The following PTCHD4 variants were observed in gnomAD, a reference collection of about 807,000 sequenced individuals.
PTCHD4 encodes patched domain containing 4.
PTCHD4 carries 33 observed loss-of-function variants against 58.1 expected under a neutral mutation model. That is an observed-to-expected ratio of 0.57 (90% CI 0.43 to 0.76). PTCHD4 has a LOEUF of 0.76. PTCHD4 is among the 30% of genes least tolerant of loss of function. The probability of loss-of-function intolerance (pLI) is 0.00; values close to 1 mark genes in which losing one functional copy is unlikely to be tolerated. For synonymous variants in PTCHD4, 478 were observed against 409.6 expected, an observed-to-expected ratio of 1.17 and a Z score of -2.02; for missense variants, 1,058 against 1,027.1, an observed-to-expected ratio of 1.03 and a Z score of -0.41.
Position 48,071,152 on chromosome 6 carries a change from C to T in PTCHD4, c.-969-1226G>A, listed in dbSNP as rs148039361. 2.8e-3 allele frequency among the ~76,000 whole-genome samples: 419 copies of T among 152,288 alleles called. 2 individuals are homozygous for T. Among genetic ancestry groups the T allele is most frequent in the African/African-American group, 8.4e-3 (351 of 41,562 alleles). On this transcript the variant is annotated intron_variant, in intron 1 of 4. Transcript: ENST00000339488. ...CATTTCCTTCGGTAGCATCAGGCAG[C>T]GTACTCTCTTCTCACAACAAACAAA...
At chr6:48,097,315 A>T (rs528550444) in intron 1 of PTCHD4, among the ~76,000 whole-genome samples, 71 of 152,196 alleles carry the variant, frequency 4.7e-4, no homozygotes, top group Non-Finnish European at 8.2e-4. Context: ...TATGACAGAT[A>T]TAATGCTTAA....
At chr6:48,000,669 C>T (rs1284632310) in intron 4 of PTCHD4, among the ~76,000 whole-genome samples, 4 of 152,156 alleles carry the variant, frequency 2.6e-5, no homozygotes, top group African/African-American at 7.2e-5. Flanking sequence ...AGGATTTCCA[C>T]ATGCTCTCAT....
chr6:47,999,265 G>T (rs116939583), intron 4 of PTCHD4, among the ~76,000 whole-genome samples: 2 of 152,170 alleles, frequency 1.3e-5, no homozygotes, highest in African/African-American at 4.8e-5. Flanking sequence ...ACTCCAAGTC[G>T]TCTGACTCTA....
intron 3 of PTCHD4, among the ~76,000 whole-genome samples, chr6:48,034,234 A>G (rs867178976): frequency 1.3e-5 from 2 of 152,116 alleles, no homozygotes; most frequent in East Asian, 3.9e-4. Flanking sequence ...TTGTGTGACA[A>G]ATATAATAGT....
At position 47,882,294 on chromosome 6, in the gene PTCHD4, A is replaced by G. The variant is rs146174982; in HGVS notation, c.899-2358T>C. On this transcript the variant is annotated intron_variant, in intron 4 of 4. Transcript: ENST00000339488. Reference sequence around the variant, plus strand: ...TTATGGAACATTAGGTACACTATGTAGGCCAGATTTTTGCTTTATGTAGTA... The same window carrying G: ...TTATGGAACATTAGGTACACTATGTGGGCCAGATTTTTGCTTTATGTAGTA... 2.6e-3 allele frequency among the ~76,000 whole-genome samples: 403 copies of G among 152,192 alleles called. 1 individual carries two copies. Among genetic ancestry groups the G allele is most frequent in the African/African-American group, 8.8e-3 (365 of 41,560 alleles).
At chr6:48,018,577 C>T (rs1762946813) in intron 3 of PTCHD4, among the ~76,000 whole-genome samples, 1 of 152,032 alleles carries the variant, frequency 6.6e-6, no homozygotes, top group African/African-American at 2.4e-5. Context: ...AGGAATTTGC[C>T]CTAATTTACC....
intron 4 of PTCHD4, among the ~76,000 whole-genome samples, chr6:47,962,560 G>A (rs1034460198): frequency 3.9e-5 from 6 of 152,062 alleles, no homozygotes; most frequent in Admixed American, 1.3e-4. Context: ...TGAGAATCTC[G>A]TGAGGTTATA....
At chr6:47,891,358 G>A (rs1209658999) in intron 4 of PTCHD4, among the ~76,000 whole-genome samples, 5 of 151,670 alleles carry the variant, frequency 3.3e-5, no homozygotes, top group Non-Finnish European at 7.4e-5. Flanking sequence ...CTCGACCACA[G>A]ACAACCTCGC....
Position 48,008,651 on chromosome 6 carries a change from A to T in PTCHD4, c.881T>A (p.Ile294Asn), listed in dbSNP as rs1762552978. 2 of 1,613,044 alleles carry T rather than the reference A, an allele frequency of 1.2e-6. No homozygotes were observed. The highest frequency in any genetic ancestry group is 1.3e-5 in the African/African-American group (1 of 74,942). ...ATAGTTACCCATGGCGAAGAACGGG[A>T]TTCCCAGCAGGGTGGAGTTGTACTT... ...DGKYNSTLLG[I>N]PFFAMGHGTK... The change falls in exon 4 of 5, where the codon ATC (isoleucine) becomes AAC (asparagine). Residue 294 changes from isoleucine to asparagine, a missense_variant. By Grantham distance (149) the Ile-to-Asn change is moderately radical. Transcript: ENST00000339488.
At chr6:48,038,411 G>A (rs1423600978) in intron 3 of PTCHD4, among the ~76,000 whole-genome samples, 1 of 151,998 alleles carries the variant, frequency 6.6e-6, no homozygotes, top group South Asian at 2.1e-4. Context: ...GGAGGCCGAG[G>A]CGGGCAGATC....
At chr6:48,002,678 G>A (rs996469716) in intron 4 of PTCHD4, among the ~76,000 whole-genome samples, 1 of 151,954 alleles carries the variant, frequency 6.6e-6, no homozygotes, top group African/African-American at 2.4e-5. Flanking sequence ...GTTACTGGGT[G>A]CAGCACACCA....
At chr6:47,893,919 G>A (rs1764454254) in intron 4 of PTCHD4, among the ~76,000 whole-genome samples, 2 of 152,194 alleles carry the variant, frequency 1.3e-5, no homozygotes, top group East Asian at 1.9e-4. Context: ...AACTAATTGA[G>A]GCATTCCTTA....
chr6:47,886,679 C>CTGGACTG (rs1311596224), intron 4 of PTCHD4, among the ~76,000 whole-genome samples: 1 of 152,210 alleles, frequency 6.6e-6, no homozygotes, highest in Admixed American at 6.5e-5. Flanking sequence ...ACTGAAAACT[C>CTGGACTG]AGTCCAGCAA....
intron 1 of PTCHD4, among the ~76,000 whole-genome samples, chr6:48,077,718 T>C (rs1350115279): frequency 6.6e-6 from 1 of 152,190 alleles, no homozygotes; most frequent in African/African-American, 2.4e-5. Context: ...TTAATTGGCC[T>C]AATTTCAATA....
At chr6:47,994,661 T>C (rs773335564) in intron 4 of PTCHD4, among the ~76,000 whole-genome samples, 20 of 152,200 alleles carry the variant, frequency 1.3e-4, no homozygotes, top group Admixed American at 2.0e-4. Flanking sequence ...GCCTTGTGTA[T>C]TTGGATAGAT....
At position 47,873,940 on chromosome 6, in the gene PTCHD4, A is replaced by G. The variant is rs918553482; in HGVS notation, c.*4363T>C. 1.3e-5 allele frequency among the ~76,000 whole-genome samples: 2 copies of G among 151,694 alleles called. No homozygotes were observed. Among genetic ancestry groups the G allele is most frequent in the Non-Finnish European group, 3.0e-5 (2 of 67,778 alleles). Reference sequence around the variant, plus strand: ...AGTTTTCAGATTCACTTTTGCAAAGATTGCCAATATCCTTCGCAGACACCA... The same window carrying G: ...AGTTTTCAGATTCACTTTTGCAAAGGTTGCCAATATCCTTCGCAGACACCA... On this transcript the variant is annotated 3_prime_UTR_variant, in exon 5 of 5. Transcript: ENST00000339488.
Position 47,933,839 on chromosome 6 carries a change from T to G in PTCHD4, c.899-53903A>C, listed in dbSNP as rs539018362. 2.0e-5 allele frequency among the ~76,000 whole-genome samples: 3 copies of G among 152,274 alleles called. 1 individual carries two copies. The South Asian group carries it at 6.2e-4, about 32-fold the overall frequency. On this transcript the variant is annotated intron_variant, in intron 4 of 4. Coordinates refer to ENST00000339488, the MANE Select transcript of PTCHD4 (RefSeq NM_001384253.1). ...AATAACTGAATTTACCTGATTATAT[T>G]ATTGTTAAACTGCTAGCCATTTATT...
At chr6:47,957,416 G>A (rs1481642818) in intron 4 of PTCHD4, among the ~76,000 whole-genome samples, 4 of 150,430 alleles carry the variant, frequency 2.7e-5, no homozygotes, top group African/African-American at 9.7e-5. Context: ...ATTTGCTAAA[G>A]ATGTACTTTC....
intron 3 of PTCHD4, among the ~76,000 whole-genome samples, chr6:48,014,558 G>T (rs1470449433): frequency 6.6e-6 from 1 of 151,894 alleles, no homozygotes; most frequent in Non-Finnish European, 1.5e-5. Context: ...AGTTTATTTG[G>T]TTTTCTTATC....
Sources: gnomAD v4.1 joint callset for allele counts (sites outside exome capture counted in the v4.1 genomes callset) on GRCh38, gnomAD v4.1.1 for gene constraint, MANE v1.5 for transcripts, NCBI Gene and HGNC (gene_info 2026-07-23, HGNC 2026-07-21) for gene names.